URAD: variants seen among roughly 807,000 people sequenced by gnomAD.
URAD encodes the protein ureidoimidazoline (2-oxo-4-hydroxy-4-carboxy-5-) decarboxylase.
Under a neutral mutation model 4.6 loss-of-function variants are expected in URAD, and 4 were observed. The ratio of observed to expected loss-of-function variants is 0.87; its 90% CI spans 0.43 to 1.98. The LOEUF (loss-of-function observed/expected upper bound fraction) is 1.98. URAD is among the 30% of genes most tolerant of loss of function. The pLI, the probability that URAD is intolerant of heterozygous loss-of-function variation, is 0.03. For missense variants in URAD, 300 were observed against 255.3 expected, an observed-to-expected ratio of 1.18 and a Z score of -1.19; for synonymous variants, 144 against 118.2, an observed-to-expected ratio of 1.22 and a Z score of -1.41.
Position 27,978,158 on chromosome 13 carries a change from A to ATCT in URAD, c.467_469dup (p.Lys156dup), listed in dbSNP as rs1477025739. ...GAGGTCGGCCAGGCGCAGGCTGCCG[A>ATCT]TCTTCTTCACCTCGCCCAGAGCAGT... On this transcript the variant is annotated inframe_insertion, in exon 2 of 2. Transcript: ENST00000332715. 1.3e-6 allele frequency: 2 copies of ATCT among 1,534,636 alleles called. No homozygotes were observed. Among genetic ancestry groups the ATCT allele is most frequent in the African/African-American group, 2.9e-5 (2 of 69,844 alleles).
chr13:27,987,891 A>ATGAT (rs1870074491), intron 1 of URAD, among the ~76,000 whole-genome samples: 1 of 117,770 alleles, frequency 8.5e-6, no homozygotes, highest in Admixed American at 9.4e-5. Context: ...AAATAGATAG[A>ATGAT]TGATAGATAG....
chr13:27,986,016 C>T (rs773808820), intron 1 of URAD, among the ~76,000 whole-genome samples: 2 of 152,146 alleles, frequency 1.3e-5, no homozygotes, highest in South Asian at 2.1e-4. Flanking sequence ...GAGGAGCTGC[C>T]GCCAGACAGC....
intron 1 of URAD, among the ~76,000 whole-genome samples, chr13:27,984,655 T>C (rs1869966366): frequency 6.6e-6 from 1 of 152,210 alleles, no homozygotes; most frequent in South Asian, 2.1e-4. Context: ...TGCTTCTTAC[T>C]ATTCAAAGGG....
chr13:27,985,943 T>TTTGTTG (rs1244450590), intron 1 of URAD, among the ~76,000 whole-genome samples: 1 of 152,220 alleles, frequency 6.6e-6, no homozygotes, highest in Non-Finnish European at 1.5e-5. Context: ...ATTTTAGCTA[T>TTTGTTG]TTGTTGTTGT....
chr13:27,986,452 C>T (rs908369609), intron 1 of URAD, among the ~76,000 whole-genome samples: 12 of 152,036 alleles, frequency 7.9e-5, no homozygotes, highest in African/African-American at 2.9e-4. Context: ...TGGACTGACC[C>T]GGAACTAGAA....
chr13:27,983,120 C>T (rs1295850409), intron 1 of URAD, among the ~76,000 whole-genome samples: 1 of 152,210 alleles, frequency 6.6e-6, no homozygotes, highest in Non-Finnish European at 1.5e-5. Flanking sequence ...TGATCAGGCC[C>T]TTGCTGCCTC....
At chr13:27,984,774 T>G (rs1256531236) in intron 1 of URAD, among the ~76,000 whole-genome samples, 4 of 152,042 alleles carry the variant, frequency 2.6e-5, no homozygotes, top group African/African-American at 9.7e-5. Context: ...GTCAGGAGAT[T>G]GAGACCATCC....
At chr13:27,984,012 A>G (rs1380339860) in intron 1 of URAD, among the ~76,000 whole-genome samples, 1 of 152,202 alleles carries the variant, frequency 6.6e-6, no homozygotes. Context: ...AAAGTAATAA[A>G]TTGTGGCATT....
chr13:27,985,839 T>G (rs1052707414), intron 1 of URAD, among the ~76,000 whole-genome samples: 2 of 152,178 alleles, frequency 1.3e-5, no homozygotes, highest in African/African-American at 4.8e-5. Context: ...ATACTATTCC[T>G]CATTTTATAG....
At chr13:27,982,528 T>A (rs1009145127) in intron 1 of URAD, among the ~76,000 whole-genome samples, 1 of 152,166 alleles carries the variant, frequency 6.6e-6, no homozygotes, top group African/African-American at 2.4e-5. Flanking sequence ...TACCCACATC[T>A]CATCCCTTTG....
intron 1 of URAD, among the ~76,000 whole-genome samples, chr13:27,981,491 G>T (rs1338091086): frequency 6.6e-6 from 1 of 152,178 alleles, no homozygotes; most frequent in African/African-American, 2.4e-5. Context: ...AGAGATGTAG[G>T]TGTGGATGTG....
rs1414724516 is a variant in URAD, at chr13:27,978,482, C to A, written c.176-30G>T. The A allele has an allele frequency of 3.1e-6, 4 of 1,292,054 alleles. No individual in the cohort carries two copies. In the East Asian group the frequency reaches 9.6e-5, roughly 31 times the overall value. The allele number at this position is 1,292,054 out of a possible 1,614,324, so 80.0% of individuals were successfully genotyped here. On this transcript the variant is annotated intron_variant, in intron 1 of 1. Coordinates refer to ENST00000332715, the MANE Select transcript of URAD (RefSeq NM_001105577.2). Reference sequence around the variant, plus strand: ...GGAGAAGCACAGACACCGGCGGGAGCGCGTCAACCGCGCCCGTCCCGCACC... The same window carrying A: ...GGAGAAGCACAGACACCGGCGGGAGAGCGTCAACCGCGCCCGTCCCGCACC...
Position 27,978,042 on chromosome 13 carries a change from C to G in URAD, c.*64G>C. ...GAGTCCGCCTCCCGCCCAGGACGCA[C>G]AGCTCCGGGCCGTGGCCCCCGCGCG... On this transcript the variant is annotated 3_prime_UTR_variant, in exon 2 of 2. Coordinates refer to ENST00000332715, the MANE Select transcript of URAD (RefSeq NM_001105577.2). The G allele has an allele frequency of 1.4e-5, 19 of 1,337,992 alleles. No individual in the cohort carries two copies. Among genetic ancestry groups the G allele is most frequent in the Non-Finnish European group, 1.3e-5 (14 of 1,037,710 alleles). 82.9% of individuals were successfully genotyped at this position (1,337,992 alleles called of 1,614,324 possible).
chr13:27,986,576 T>C (rs1664892056), intron 1 of URAD, among the ~76,000 whole-genome samples: 1 of 152,188 alleles, frequency 6.6e-6, no homozygotes, highest in Admixed American at 6.5e-5. Context: ...CCAAAACGTG[T>C]GTTAAGTAAC....
At chr13:27,984,625 A>G (rs573683496) in intron 1 of URAD, among the ~76,000 whole-genome samples, 4 of 152,376 alleles carry the variant, frequency 2.6e-5, no homozygotes, top group East Asian at 1.9e-4. Context: ...TTAGATTCAA[A>G]TAATCTATTT....
At chr13:27,988,369 G>T in intron 1 of URAD, 94 bp downstream of exon 1, 3 of 1,296,806 alleles carry the variant, frequency 2.3e-6, no homozygotes, top group Middle Eastern at 4.2e-4. Context: ...TGGGATTACA[G>T]GTGTGAGCCA....
intron 1 of URAD, among the ~76,000 whole-genome samples, chr13:27,985,316 G>A (rs1194869333): frequency 6.6e-6 from 1 of 151,870 alleles, no homozygotes. Context: ...AAATTAGCTG[G>A]GCATGGTGGC....
chr13:27,979,099 G>C (rs1019026404), intron 1 of URAD, among the ~76,000 whole-genome samples: 2 of 152,132 alleles, frequency 1.3e-5, no homozygotes, highest in Non-Finnish European at 2.9e-5. Context: ...AAAGAGCCTT[G>C]CAGATGATTA....
rs760890743 is a variant in URAD at position 27,978,118 on chromosome 13, G to A, written c.510C>T (p.Pro170=). Residue 170 remains proline, a synonymous_variant, in exon 2 of 2, where the codon CCC becomes CCT. Coordinates refer to ENST00000332715, the MANE Select transcript of URAD (RefSeq NM_001105577.2). ...GCCCGCGCGGCAGCTACAGCTTGGC[G>A]GGGTCTGCGCGGAGGAGGTCGGCCA... ...LRLADLLRAD[P]AKL 1 of 1,518,294 alleles carries A rather than the reference G, an allele frequency of 6.6e-7. No homozygotes were observed. The highest frequency in any genetic ancestry group is 1.2e-5 in the South Asian group (1 of 80,840). The allele number at this position is 1,518,294 out of a possible 1,614,324, so 94.1% of individuals were successfully genotyped here.
Sources: allele counts gnomAD v4.1 joint callset (sites outside exome capture counted in the v4.1 genomes callset), GRCh38; gene constraint gnomAD v4.1.1; transcripts MANE v1.5; gene names NCBI Gene and HGNC (gene_info 2026-07-23, HGNC 2026-07-21).